Variants in SHANK2 observed in about 807,000 individuals in gnomAD.
SHANK2 encodes the protein SH3 and multiple ankyrin repeat domains 2, also known as SH3 and multiple ankyrin repeat domains protein 2.
Under a neutral mutation model 133.7 loss-of-function variants are expected in SHANK2, and 43 were observed. The observed-to-expected ratio is 0.32, with a 90% CI of 0.25 to 0.41. SHANK2 has a LOEUF of 0.41. Ranked by LOEUF, SHANK2 falls within the 10% of genes least tolerant of loss-of-function variation. The probability of loss-of-function intolerance (pLI) is 1.00; values close to 1 mark genes in which losing one functional copy is unlikely to be tolerated. For missense variants in SHANK2, 1,994 were observed against 2,235.8 expected, an observed-to-expected ratio of 0.89 and a Z score of 2.18; for synonymous variants, 1,017 against 952.8, an observed-to-expected ratio of 1.07 and a Z score of -1.24.
In SHANK2 at chr11:70,751,267, A is replaced by G. The variant is rs984487223; in HGVS notation, c.1777+47176T>C. ...CTGAAGACTAAAAACGAAAAAATATATACTGAAAGCAGCTAGAGAAAAATG... is the reference window on the plus strand; with the variant it reads ...CTGAAGACTAAAAACGAAAAAATATGTACTGAAAGCAGCTAGAGAAAAATG... On this transcript the variant is annotated intron_variant, in intron 14 of 25. Coordinates refer to ENST00000601538, the MANE Select transcript of SHANK2 (RefSeq NM_012309.5). Among the ~76,000 whole-genome samples the G allele has an allele frequency of 2.0e-5, 3 of 152,348 alleles. No homozygotes were observed. The East Asian group carries it at 5.8e-4, about 29-fold the overall frequency.
At chr11:71,071,924 C>A (rs1443787623) in intron 9 of SHANK2, among the ~76,000 whole-genome samples, 2 of 152,164 alleles carry the variant, frequency 1.3e-5, no homozygotes, top group Non-Finnish European at 1.5e-5. Flanking sequence ...CAGCAGAGTT[C>A]CTCCTCTGAG....
intron 17 of SHANK2, among the ~76,000 whole-genome samples, chr11:70,522,067 C>T (rs909657580): frequency 1.9e-4 from 29 of 152,248 alleles, no homozygotes; most frequent in African/African-American, 6.8e-4. Flanking sequence ...CAGCCCTTAG[C>T]CCAGGCTACC....
chr11:71,110,411 C>G (rs775479437), intron 5 of SHANK2, among the ~76,000 whole-genome samples: 1 of 152,168 alleles, frequency 6.6e-6, no homozygotes, highest in Non-Finnish European at 1.5e-5. Context: ...GCACTCCAGC[C>G]TGGGCAACAA....
chr11:70,795,087 T>A (rs1947878291), intron 14 of SHANK2, among the ~76,000 whole-genome samples: 1 of 152,126 alleles, frequency 6.6e-6, no homozygotes, highest in South Asian at 2.1e-4. Context: ...CCTCCTCGAC[T>A]CCTCTGTGCT....
chr11:70,538,451 T>C (rs782595864), intron 17 of SHANK2, among the ~76,000 whole-genome samples: 1 of 152,142 alleles, frequency 6.6e-6, no homozygotes, highest in African/African-American at 2.4e-5. Flanking sequence ...TGGGGCAAAA[T>C]CACAGGTGGC....
intron 3 of SHANK2, among the ~76,000 whole-genome samples, chr11:71,123,900 G>C (rs572335172): frequency 6.6e-6 from 1 of 152,182 alleles, no homozygotes; most frequent in South Asian, 2.1e-4. Flanking sequence ...ACCAGGACAG[G>C]AGTGGGTGAG....
intron 6 of SHANK2, among the ~76,000 whole-genome samples, chr11:71,104,921 T>A (rs1225921447): frequency 6.6e-6 from 1 of 152,248 alleles, no homozygotes; most frequent in African/African-American, 2.4e-5. Flanking sequence ...TCTGCCTTAG[T>A]TACCCCTTTT....
intron 17 of SHANK2, chr11:70,634,677 A>G (rs35767618): frequency 0.17 from 25,254 of 152,346 alleles, 2,713 homozygotes; most frequent in Non-Finnish European, 0.25. Context: ...ACTGGCCAAC[A>G]TGGCAAAACC....
At chr11:70,925,785 G>A (rs1950419216) in intron 10 of SHANK2, among the ~76,000 whole-genome samples, 1 of 152,038 alleles carries the variant, frequency 6.6e-6, no homozygotes. Flanking sequence ...TTATTCTCAT[G>A]GTCTGCGGTG....
intron 17 of SHANK2, among the ~76,000 whole-genome samples, chr11:70,560,720 C>A (rs920903062): frequency 4.0e-5 from 6 of 151,780 alleles, no homozygotes; most frequent in Admixed American, 2.6e-4. Flanking sequence ...TGACCTCCAA[C>A]TCCCGGGTTC....
chr11:70,584,066 G>A (rs1190585480), intron 17 of SHANK2, among the ~76,000 whole-genome samples: 1 of 152,176 alleles, frequency 6.6e-6, no homozygotes, highest in Non-Finnish European at 1.5e-5. Context: ...GACCCCCAGA[G>A]CCATTCAATT....
intron 10 of SHANK2, among the ~76,000 whole-genome samples, chr11:70,953,013 C>T (rs1040432466): frequency 6.6e-6 from 1 of 152,098 alleles, no homozygotes; most frequent in Non-Finnish European, 1.5e-5. Flanking sequence ...TGCCCCCATC[C>T]CACGTCCCAA....
rs1230345034 is a variant in SHANK2 at position 70,489,224 on chromosome 11, G to A, written c.2572+104C>T. 4.3e-6 allele frequency: 5 copies of A among 1,168,062 alleles called. No homozygotes were observed. In the African/African-American group the frequency reaches 7.5e-5, roughly 18 times the overall value. The allele number at this position is 1,168,062 out of a possible 1,614,324, so 72.4% of individuals were successfully genotyped here. A position where few individuals can be genotyped will look rare whatever the true frequency, so the allele number is the denominator to read the frequency against. The stretch of plus-strand genomic sequence containing the variant: ...ATTGACCAGTCACTCTGAGTTGGCT[G>A]TCTGGCAATTCTGTTCCCAAGGAGT... On this transcript the variant is annotated intron_variant, in intron 24 of 25. Transcript: ENST00000601538.
At chr11:70,709,248 G>A (rs1945729002) in intron 14 of SHANK2, among the ~76,000 whole-genome samples, 1 of 152,220 alleles carries the variant, frequency 6.6e-6, no homozygotes, top group Admixed American at 6.5e-5. Flanking sequence ...GAATTCCGAT[G>A]TAGGCGAATT....
At chr11:70,876,717 A>T (rs1450602245) in intron 11 of SHANK2, among the ~76,000 whole-genome samples, 1 of 152,158 alleles carries the variant, frequency 6.6e-6, no homozygotes. Context: ...GCAGGTGACA[A>T]CACTTCTAGG....
chr11:70,505,956 T>C (rs1234298947), intron 17 of SHANK2, among the ~76,000 whole-genome samples: 2 of 152,236 alleles, frequency 1.3e-5, no homozygotes, highest in Non-Finnish European at 2.9e-5. Context: ...TGGCCAGAGC[T>C]GGCCCTTGGC....
intron 6 of SHANK2, among the ~76,000 whole-genome samples, chr11:71,099,737 C>T (rs2064593099): frequency 1.3e-5 from 2 of 152,158 alleles, no homozygotes; most frequent in African/African-American, 4.8e-5. Flanking sequence ...CACCGTATGT[C>T]ATTAGGGAAC....
At chr11:71,121,299 C>T (rs76597127) in intron 3 of SHANK2, among the ~76,000 whole-genome samples, 2,331 of 152,248 alleles carry the variant, frequency 0.015, 37 homozygotes, top group Non-Finnish European at 0.022. Flanking sequence ...TGAACTGTGC[C>T]CCTCTAAATA....
intron 1 of SHANK2, among the ~76,000 whole-genome samples, chr11:71,238,957 G>A (rs548473212): frequency 2.0e-5 from 3 of 152,368 alleles, no homozygotes; most frequent in Non-Finnish European, 2.9e-5. Context: ...TGGGACGAGA[G>A]ATTTGGAAAA....
Sources: gnomAD v4.1 joint callset for allele counts (sites outside exome capture counted in the v4.1 genomes callset) on GRCh38, gnomAD v4.1.1 for gene constraint, MANE v1.5 for transcripts, NCBI Gene and HGNC (gene_info 2026-07-23, HGNC 2026-07-21) for gene names.